SCHIP1: variants seen among roughly 807,000 people sequenced by gnomAD.
SCHIP1 encodes the protein schwannomin interacting protein 1.
Under a neutral mutation model 29.7 loss-of-function variants are expected in SCHIP1, and 8 were observed. The observed-to-expected ratio is 0.27, with a 90% CI of 0.16 to 0.49. The LOEUF (loss-of-function observed/expected upper bound fraction) is 0.49, where lower values mean the gene tolerates loss of function less well. SCHIP1 is among the 20% of genes least tolerant of loss of function. SCHIP1 has a pLI of 0.99. For missense variants in SCHIP1, 193 were observed against 294.6 expected (o/e 0.66, Z 2.52); for synonymous variants, 76 against 94.9 (o/e 0.80, Z 1.16).
the SCHIP1 span, among the ~76,000 whole-genome samples, chr3:159,792,170 G>T: frequency 7.9e-5 from 12 of 152,218 alleles, no homozygotes; most frequent in Non-Finnish European, 1.5e-4. Context: ...TACTGATAGT[G>T]CCCTCCTTGT....
the SCHIP1 span, among the ~76,000 whole-genome samples, chr3:159,380,290 TGC>T: frequency 1.3e-5 from 2 of 152,304 alleles, no homozygotes; most frequent in African/African-American, 2.4e-5. Context: ...TTCTAGCTCT[TGC>T]AGTATCACCA....
At chr3:159,312,256 A>T in the SCHIP1 span, among the ~76,000 whole-genome samples, 973 of 152,294 alleles carry the variant, frequency 6.4e-3, 13 homozygotes, top group Non-Finnish European at 0.01. Context: ...CAGTGGCATA[A>T]GACCATAAAT....
At chr3:159,606,787 G>T in the SCHIP1 span, among the ~76,000 whole-genome samples, 1 of 152,136 alleles carries the variant, frequency 6.6e-6, no homozygotes, top group East Asian at 1.9e-4. Flanking sequence ...GAACAGAAAA[G>T]GTGTATCTTG....
chr3:159,384,518 T>G, the SCHIP1 span, among the ~76,000 whole-genome samples: 1 of 144,498 alleles, frequency 6.9e-6, no homozygotes, highest in Non-Finnish European at 1.5e-5. Context: ...TGCCAGTATT[T>G]TATTGAGGAT....
chr3:159,377,041 G>C, the SCHIP1 span, among the ~76,000 whole-genome samples: 5 of 152,164 alleles, frequency 3.3e-5, no homozygotes, highest in East Asian at 1.9e-4. Flanking sequence ...GTGTCTGAAT[G>C]CTTCAATTTT....
the SCHIP1 span, among the ~76,000 whole-genome samples, chr3:159,308,161 C>G: frequency 6.6e-6 from 1 of 151,988 alleles, no homozygotes; most frequent in Non-Finnish European, 1.5e-5. Flanking sequence ...AAATTGCTTT[C>G]AGCAGTATGG....
At chr3:159,814,055 T>C in the SCHIP1 span, among the ~76,000 whole-genome samples, 1 of 152,152 alleles carries the variant, frequency 6.6e-6, no homozygotes, top group Non-Finnish European at 1.5e-5. Context: ...AGGACTTCCT[T>C]CTTCAGCTGC....
the SCHIP1 span, among the ~76,000 whole-genome samples, chr3:159,509,028 A>C: frequency 6.6e-6 from 1 of 152,084 alleles, no homozygotes. Flanking sequence ...ATCCTTGTTA[A>C]CTTTCTGTCT....
the SCHIP1 span, among the ~76,000 whole-genome samples, chr3:159,583,830 C>T: frequency 6.6e-6 from 1 of 152,120 alleles, no homozygotes; most frequent in South Asian, 2.1e-4. Flanking sequence ...GCCCAGTTGT[C>T]CTCTCTTGCT....
the SCHIP1 span, among the ~76,000 whole-genome samples, chr3:159,816,346 A>C: frequency 7.8e-4 from 119 of 152,248 alleles, no homozygotes; most frequent in Non-Finnish European, 1.3e-3. Context: ...GTCATGGCTT[A>C]CTGCAGCCTC....
chr3:159,715,044 G>C, the SCHIP1 span, among the ~76,000 whole-genome samples: 162 of 152,316 alleles, frequency 1.1e-3, no homozygotes, highest in African/African-American at 3.6e-3. Context: ...CTGAGAGGAA[G>C]CTTCCAAAGG....
chr3:159,805,486 T>C, the SCHIP1 span, among the ~76,000 whole-genome samples: 2 of 152,242 alleles, frequency 1.3e-5, no homozygotes, highest in East Asian at 1.9e-4. Flanking sequence ...GTGAGTTTAA[T>C]TGAAAGTCTT....
the SCHIP1 span, among the ~76,000 whole-genome samples, chr3:159,478,186 G>T: frequency 6.6e-6 from 1 of 151,938 alleles, no homozygotes; most frequent in African/African-American, 2.4e-5. Context: ...GCCTCCCAAA[G>T]TGCTGGGATT....
intron 2 of SCHIP1, among the ~76,000 whole-genome samples, chr3:159,884,926 A>G (rs541033870): frequency 5.8e-4 from 89 of 152,186 alleles, no homozygotes; most frequent in South Asian, 1.9e-3. Context: ...GATTGAGGGA[A>G]TGGCTGCATT....
the SCHIP1 span, among the ~76,000 whole-genome samples, chr3:159,547,617 TCA>T: frequency 2.0e-5 from 3 of 152,194 alleles, no homozygotes; most frequent in Admixed American, 2.0e-4. Flanking sequence ...GGGTCCAGTT[TCA>T]GTTTTCTGCA....
At chr3:159,396,966 C>T in the SCHIP1 span, among the ~76,000 whole-genome samples, 10 of 142,562 alleles carry the variant, frequency 7.0e-5, no homozygotes, top group East Asian at 8.6e-4. Flanking sequence ...AGCAATCAGA[C>T]GTAGATTTGG....
At chr3:159,396,460 G>A in the SCHIP1 span, among the ~76,000 whole-genome samples, 163 of 147,414 alleles carry the variant, frequency 1.1e-3, 1 homozygote, top group South Asian at 5.8e-3. Flanking sequence ...GGCTGGTACC[G>A]GTTGTTCCTT....
At chr3:159,669,163 A>C in the SCHIP1 span, among the ~76,000 whole-genome samples, 1 of 152,328 alleles carries the variant, frequency 6.6e-6, no homozygotes, top group Admixed American at 6.5e-5. Flanking sequence ...GATATTAATA[A>C]GTAACTTGTG....
At chr3:159,528,168 A>T in the SCHIP1 span, among the ~76,000 whole-genome samples, 601 of 152,362 alleles carry the variant, frequency 3.9e-3, 7 homozygotes, top group African/African-American at 0.014. Context: ...GTTTAAATTC[A>T]TGCAGTCCTA....
Sources: gnomAD v4.1 joint callset for allele counts (sites outside exome capture counted in the v4.1 genomes callset) on GRCh38, gnomAD v4.1.1 for gene constraint, MANE v1.5 for transcripts, NCBI Gene and HGNC (gene_info 2026-07-23, HGNC 2026-07-21) for gene names.